GRM5: variants seen among roughly 807,000 people sequenced by gnomAD.
The protein encoded by GRM5 is metabotropic glutamate receptor 5.
Under a neutral mutation model 83.1 loss-of-function variants are expected in GRM5, and 19 were observed. The ratio of observed to expected loss-of-function variants is 0.23; its 90% confidence interval spans 0.16 to 0.34. GRM5 has a LOEUF of 0.34. Among genes scored for constraint, GRM5 ranks in the 10% least tolerant of loss-of-function variants. The pLI, the probability that GRM5 is intolerant of heterozygous loss-of-function variation, is 1.00. For synonymous variants in GRM5, 675 were observed against 633.6 expected, an observed-to-expected ratio of 1.07 and a Z score of -0.98; for missense variants, 1,160 against 1,588.3, an observed-to-expected ratio of 0.73 and a Z score of 4.58.
At position 88,976,774 on chromosome 11, in the gene GRM5, C is replaced by G. The variant is rs556779179; in HGVS notation, c.661+70438G>C. Among the ~76,000 whole-genome samples the G allele has an allele frequency of 3.3e-5, 5 of 151,998 alleles. No individual in the cohort carries two copies. In the South Asian group the frequency reaches 6.2e-4, roughly 19 times the overall value. ...TTAAGCAGTAAATCTGACACACACA[C>G]AAATTGTTTTTTCAGAGATAAAAAT... is the stretch of plus-strand genomic sequence containing the variant. On this transcript the variant is annotated intron_variant, in intron 2 of 9. Transcript: ENST00000305447.
At chr11:88,759,769 T>C (rs945997048) in intron 3 of GRM5, among the ~76,000 whole-genome samples, 1 of 152,080 alleles carries the variant, frequency 6.6e-6, no homozygotes, top group Non-Finnish European at 1.5e-5. Flanking sequence ...AACAAAGGAA[T>C]ATATATTCTT....
At chr11:88,543,358 T>C (rs996968674) in intron 8 of GRM5, among the ~76,000 whole-genome samples, 9 of 152,158 alleles carry the variant, frequency 5.9e-5, no homozygotes, top group Non-Finnish European at 1.0e-4. Context: ...GAATGTGTCA[T>C]TGGAAGAAAC....
chr11:88,846,632 C>G (rs969374720), intron 3 of GRM5, among the ~76,000 whole-genome samples: 1 of 152,042 alleles, frequency 6.6e-6, no homozygotes, highest in African/African-American at 2.4e-5. Context: ...TTATAAGTAA[C>G]TACAGCTATT....
intron 2 of GRM5, among the ~76,000 whole-genome samples, chr11:88,928,898 A>G (rs917944446): frequency 1.6e-3 from 75 of 45,876 alleles, no homozygotes; most frequent in African/African-American, 4.5e-3. Flanking sequence ...ACCTATGTGT[A>G]TGTGTATATA....
At chr11:88,864,442 G>T (rs777613638) in intron 2 of GRM5, among the ~76,000 whole-genome samples, 2 of 151,938 alleles carry the variant, frequency 1.3e-5, no homozygotes, top group African/African-American at 4.8e-5. Flanking sequence ...AATTGTGAAT[G>T]GGAGTTCACT....
At chr11:88,955,189 C>T (rs1938571854) in intron 2 of GRM5, among the ~76,000 whole-genome samples, 1 of 152,134 alleles carries the variant, frequency 6.6e-6, no homozygotes, top group African/African-American at 2.4e-5. Context: ...GTTACAGAAC[C>T]AGAAGGAGTT....
intron 2 of GRM5, among the ~76,000 whole-genome samples, chr11:88,977,428 G>T (rs1373087486): frequency 4.6e-5 from 7 of 152,104 alleles, no homozygotes; most frequent in Non-Finnish European, 8.8e-5. Context: ...AGCCAGGATG[G>T]TCTCGATCTC....
intron 2 of GRM5, among the ~76,000 whole-genome samples, chr11:88,973,887 G>C (rs537733318): frequency 6.6e-6 from 1 of 152,044 alleles, no homozygotes; most frequent in African/African-American, 2.4e-5. Flanking sequence ...TTAAATTACC[G>C]AATAATGCTT....
At chr11:88,627,912 A>G (rs1938847326) in intron 4 of GRM5, among the ~76,000 whole-genome samples, 1 of 152,230 alleles carries the variant, frequency 6.6e-6, no homozygotes, top group Non-Finnish European at 1.5e-5. Flanking sequence ...CAATTAAGAT[A>G]TAGAAGAAAA....
intron 3 of GRM5, 58 bp from the exon 4 acceptor site, chr11:88,653,461 C>CT: frequency 9.7e-6 from 11 of 1,139,734 alleles, no homozygotes; most frequent in Non-Finnish European, 1.3e-5. Context: ...GCAAATGAGT[C>CT]CATTTGCTTT....
intron 3 of GRM5, among the ~76,000 whole-genome samples, chr11:88,731,437 C>T (rs1311473167): frequency 6.6e-6 from 1 of 152,044 alleles, no homozygotes; most frequent in Non-Finnish European, 1.5e-5. Context: ...CTTTGAACAC[C>T]AGTGCAGACC....
At chr11:88,549,426 C>G (rs1197853665) in intron 8 of GRM5, among the ~76,000 whole-genome samples, 2 of 151,050 alleles carry the variant, frequency 1.3e-5, no homozygotes, top group South Asian at 2.1e-4. Flanking sequence ...GGTGACAGAG[C>G]CACACCTTGT....
intron 3 of GRM5, among the ~76,000 whole-genome samples, chr11:88,808,399 CAGAT>C (rs1292370314): frequency 1.3e-5 from 2 of 151,288 alleles, no homozygotes; most frequent in Admixed American, 6.6e-5. Flanking sequence ...TACAGATGGT[CAGAT>C]AAATAAATAG....
intron 2 of GRM5, among the ~76,000 whole-genome samples, chr11:88,907,637 T>G (rs1485923262): frequency 6.6e-6 from 1 of 152,128 alleles, no homozygotes; most frequent in African/African-American, 2.4e-5. Flanking sequence ...GTTTTACCAT[T>G]TACAAGGTGG....
intron 4 of GRM5, among the ~76,000 whole-genome samples, chr11:88,640,590 T>A (rs1939262895): frequency 6.6e-6 from 1 of 152,146 alleles, no homozygotes; most frequent in Non-Finnish European, 1.5e-5. Context: ...ACCCTCCCTC[T>A]TCCCACCAGT....
chr11:88,689,979 G>T (rs1940740610), intron 3 of GRM5, among the ~76,000 whole-genome samples: 1 of 152,080 alleles, frequency 6.6e-6, no homozygotes, highest in Non-Finnish European at 1.5e-5. Context: ...ATTGTCATAG[G>T]TACTGGGGAA....
chr11:88,535,134 A>T (rs956090482), intron 8 of GRM5, among the ~76,000 whole-genome samples: 3 of 152,152 alleles, frequency 2.0e-5, no homozygotes, highest in African/African-American at 7.2e-5. Flanking sequence ...TACATGGAAG[A>T]TACTTATTTT....
chr11:88,952,298 C>T (rs925835835), intron 2 of GRM5, among the ~76,000 whole-genome samples: 28 of 152,224 alleles, frequency 1.8e-4, no homozygotes, highest in Admixed American at 6.5e-5. Context: ...ACTTCCTGGA[C>T]TCTCTAATGT....
chr11:88,905,676 T>C (rs1235828840), intron 2 of GRM5, among the ~76,000 whole-genome samples: 4 of 152,110 alleles, frequency 2.6e-5, no homozygotes, highest in Admixed American at 6.6e-5. Flanking sequence ...GGACCTCTTA[T>C]TAGATTGGTT....
Sources: allele counts gnomAD v4.1 joint callset (sites outside exome capture counted in the v4.1 genomes callset), GRCh38; gene constraint gnomAD v4.1.1; transcripts MANE v1.5; gene names NCBI Gene and HGNC (gene_info 2026-07-23, HGNC 2026-07-21).